Variants in GALNTL6 observed in about 807,000 individuals in gnomAD.
The protein encoded by GALNTL6 is polypeptide N-acetylgalactosaminyltransferase like 6.
GALNTL6 carries 46 observed loss-of-function variants against 73.7 expected under a neutral mutation model. The ratio of observed to expected loss-of-function variants is 0.62; its 90% CI spans 0.49 to 0.80. GALNTL6 has a LOEUF of 0.80. Ranked by LOEUF, GALNTL6 falls within the 30% of genes least tolerant of loss-of-function variation. GALNTL6 has a pLI of 0.00. For missense variants in GALNTL6, 604 were observed against 755.0 expected (o/e 0.80, Z 2.34); for synonymous variants, 259 against 263.7 (o/e 0.98, Z 0.17).
chr4:172,189,776 TTGTC>T (rs551333170), intron 2 of GALNTL6, among the ~76,000 whole-genome samples: 1 of 152,108 alleles, frequency 6.6e-6, no homozygotes, highest in South Asian at 2.1e-4. Context: ...TCTATGCAGT[TTGTC>T]TGTTTCCTAA....
At chr4:172,366,648 C>A (rs1242251635) in intron 5 of GALNTL6, among the ~76,000 whole-genome samples, 1 of 152,022 alleles carries the variant, frequency 6.6e-6, no homozygotes, top group Non-Finnish European at 1.5e-5. Context: ...GAAACAAATA[C>A]CAGAGAGATC....
intron 5 of GALNTL6, among the ~76,000 whole-genome samples, chr4:172,367,041 T>A (rs1742591558): frequency 6.6e-6 from 1 of 152,150 alleles, no homozygotes; most frequent in Admixed American, 6.5e-5. Flanking sequence ...AGCAGGAAGG[T>A]GCAAAGCACT....
At chr4:172,353,053 C>T (rs1238466812) in intron 5 of GALNTL6, among the ~76,000 whole-genome samples, 2 of 152,082 alleles carry the variant, frequency 1.3e-5, no homozygotes, top group African/African-American at 2.4e-5. Flanking sequence ...ACTCTCAGTC[C>T]TCACCAGATG....
chr4:172,919,702 T>C (rs374414099), intron 8 of GALNTL6, among the ~76,000 whole-genome samples: 7 of 152,310 alleles, frequency 4.6e-5, no homozygotes, highest in African/African-American at 1.2e-4. Flanking sequence ...TGGAGACATA[T>C]GGAAATATGG....
At chr4:172,833,580 A>G (rs1409005823) in intron 7 of GALNTL6, among the ~76,000 whole-genome samples, 1 of 152,178 alleles carries the variant, frequency 6.6e-6, no homozygotes, top group African/African-American at 2.4e-5. Flanking sequence ...CTCCATAAGA[A>G]TTAGGAACAA....
chr4:171,929,508 C>T (rs1738107766), intron 2 of GALNTL6, among the ~76,000 whole-genome samples: 1 of 152,186 alleles, frequency 6.6e-6, no homozygotes, highest in South Asian at 2.1e-4. Flanking sequence ...AAACCCAAAG[C>T]AACAAATACA....
chr4:171,899,321 A>G (rs970153593), intron 2 of GALNTL6, among the ~76,000 whole-genome samples: 2 of 152,072 alleles, frequency 1.3e-5, no homozygotes, highest in African/African-American at 2.4e-5. Context: ...AAAGTATTTC[A>G]GTCTTCCTGT....
chr4:172,206,267 A>G (rs907542609), intron 2 of GALNTL6, among the ~76,000 whole-genome samples: 8 of 152,144 alleles, frequency 5.3e-5, no homozygotes, highest in African/African-American at 1.9e-4. Flanking sequence ...ATCAACAATG[A>G]TGATCTGAGA....
At chr4:172,299,881 G>T (rs1739843779) in intron 3 of GALNTL6, among the ~76,000 whole-genome samples, 1 of 152,178 alleles carries the variant, frequency 6.6e-6, no homozygotes, top group African/African-American at 2.4e-5. Context: ...ATGTCTATTA[G>T]GTCCGCTTGG....
intron 5 of GALNTL6, among the ~76,000 whole-genome samples, chr4:172,471,772 A>AT (rs1335486008): frequency 1.3e-5 from 2 of 152,280 alleles, no homozygotes; most frequent in African/African-American, 4.8e-5. Flanking sequence ...GGCTCTTAGA[A>AT]TTTTTTGCAC....
At chr4:172,031,146 C>T (rs557338205) in intron 2 of GALNTL6, among the ~76,000 whole-genome samples, 54 of 152,230 alleles carry the variant, frequency 3.5e-4, no homozygotes, top group Non-Finnish European at 6.6e-4. Context: ...AGCCGTTTCT[C>T]GGCCTTATGA....
intron 2 of GALNTL6, among the ~76,000 whole-genome samples, chr4:171,947,778 A>C (rs1738748958): frequency 1.3e-5 from 2 of 152,152 alleles, no homozygotes; most frequent in African/African-American, 4.8e-5. Flanking sequence ...CCTCACCTCC[A>C]CTAGCAGCCT....
At chr4:172,420,105 A>G (rs1272386623) in intron 5 of GALNTL6, among the ~76,000 whole-genome samples, 3 of 152,174 alleles carry the variant, frequency 2.0e-5, no homozygotes, top group Admixed American at 2.0e-4. Context: ...TTCAAAAGTG[A>G]GCCATCCATT....
chr4:172,556,078 T>C lies in GALNTL6; in HGVS notation c.553+207389T>C, dbSNP rs917969542. Among the ~76,000 whole-genome samples the C allele has an allele frequency of 7.2e-5, 11 of 152,240 alleles. No individual in the cohort carries two copies. The South Asian group carries it at 1.4e-3, about 20-fold the overall frequency. ...TTTAATTAGGTTCCATTCCATGATT[T>C]TAAACTTAAATGTGCCTTAATGTGG... On this transcript the variant is annotated intron_variant, in intron 5 of 12. Transcript: ENST00000506823.
At chr4:172,909,098 A>G (rs1747062022) in intron 8 of GALNTL6, among the ~76,000 whole-genome samples, 1 of 151,972 alleles carries the variant, frequency 6.6e-6, no homozygotes. Context: ...TAAAATTAAC[A>G]TTTCAAATCA....
At chr4:172,195,745 A>G (rs1735742457) in intron 2 of GALNTL6, among the ~76,000 whole-genome samples, 1 of 152,220 alleles carries the variant, frequency 6.6e-6, no homozygotes, top group Non-Finnish European at 1.5e-5. Flanking sequence ...ACTAATTAGA[A>G]CAAAGAAACA....
At chr4:172,042,865 A>T (rs1352870451) in intron 2 of GALNTL6, among the ~76,000 whole-genome samples, 1 of 6,808 alleles carries the variant, frequency 1.5e-4, no homozygotes, top group Non-Finnish European at 3.8e-4. Context: ...CTTTAACAGT[A>T]AAAAAAAAAA....
At chr4:172,811,401 A>G (rs987845340) in intron 6 of GALNTL6, among the ~76,000 whole-genome samples, 1 of 152,224 alleles carries the variant, frequency 6.6e-6, no homozygotes, top group African/African-American at 2.4e-5. Context: ...ATGGTCAAGG[A>G]ACTTGTAAAT....
intron 2 of GALNTL6, among the ~76,000 whole-genome samples, chr4:172,085,514 C>A (rs1732005726): frequency 6.6e-6 from 1 of 151,278 alleles, no homozygotes; most frequent in Non-Finnish European, 1.5e-5. Context: ...ATGGAGAAAG[C>A]CTCTCTCAAA....
Sources: allele counts gnomAD v4.1 joint callset (sites outside exome capture counted in the v4.1 genomes callset), GRCh38; gene constraint gnomAD v4.1.1; transcripts MANE v1.5; gene names NCBI Gene and HGNC (gene_info 2026-07-23, HGNC 2026-07-21).